SOX5: variants seen among roughly 807,000 people sequenced by gnomAD.
SOX5 encodes the protein SRY-box transcription factor 5.
SOX5 carries 9 observed loss-of-function variants against 92.0 expected under a neutral mutation model. The ratio of observed to expected loss-of-function variants is 0.10; its 90% CI spans 0.06 to 0.17. The LOEUF is 0.17. Among genes scored for constraint, SOX5 ranks in the 10% least tolerant of loss-of-function variants. The pLI, the probability that SOX5 is intolerant of heterozygous loss-of-function variation, is 1.00. For missense variants in SOX5, 642 were observed against 944.5 expected, an observed-to-expected ratio of 0.68 and a Z score of 4.20; for synonymous variants, 344 against 336.3, an observed-to-expected ratio of 1.02 and a Z score of -0.25.
At chr12:23,762,346 T>C in intron 3 of SOX5, 1 of 338,648 alleles carries the variant, frequency 3.0e-6, no homozygotes, top group Non-Finnish European at 5.3e-6. Context: ...TGTAGCGTAC[T>C]TTGTTTGCAC....
At chr12:23,791,959 T>C (rs1223846620) in intron 3 of SOX5, among the ~76,000 whole-genome samples, 2 of 151,914 alleles carry the variant, frequency 1.3e-5, no homozygotes, top group Admixed American at 6.6e-5. Context: ...TAGCAAAAAT[T>C]AGTAGGGGAT....
chr12:24,024,513 A>C (rs943323557), intron 4 of SOX5, among the ~76,000 whole-genome samples: 3 of 152,082 alleles, frequency 2.0e-5, no homozygotes, highest in African/African-American at 4.8e-5. Context: ...AGTATAGCTT[A>C]AAAATAACTA....
chr12:23,573,095 C>T (rs548231071), intron 10 of SOX5, among the ~76,000 whole-genome samples: 34 of 151,886 alleles, frequency 2.2e-4, no homozygotes, highest in Admixed American at 1.2e-3. Context: ...GGGTTAATCC[C>T]TTCCCATCAC....
intron 3 of SOX5, among the ~76,000 whole-genome samples, chr12:24,234,649 A>G (rs1964088268): frequency 6.6e-6 from 1 of 152,222 alleles, no homozygotes; most frequent in Admixed American, 6.5e-5. Flanking sequence ...AAGTGCTGGA[A>G]TTACCAAAGT....
intron 3 of SOX5, among the ~76,000 whole-genome samples, chr12:24,241,961 A>C (rs1303168809): frequency 1.3e-5 from 2 of 152,186 alleles, no homozygotes; most frequent in African/African-American, 4.8e-5. Context: ...TAAAAAAATA[A>C]AAATAAAAAT....
intron 6 of SOX5, among the ~76,000 whole-genome samples, chr12:23,695,989 C>CA (rs1194011891): frequency 4.1e-5 from 3 of 73,132 alleles, no homozygotes; most frequent in African/African-American, 5.1e-5. Flanking sequence ...AAAAACAAAA[C>CA]AAAAAAACAA....
In SOX5 at chr12:23,949,649, T is replaced by G. The variant is rs1414768481; in HGVS notation, c.-48A>C. The G allele has an allele frequency of 1.9e-6, 3 of 1,613,588 alleles. No individual in the cohort carries two copies. Among genetic ancestry groups the G allele is most frequent in the Non-Finnish European group, 2.5e-6 (3 of 1,179,790 alleles). On this transcript the variant is annotated 5_prime_UTR_variant, in exon 1 of 15. Coordinates refer to ENST00000451604, the MANE Select transcript of SOX5 (RefSeq NM_006940.6). ...TTGTCACAGCAGCCACCTATGATCG[T>G]CTCCAACTGAACCTGTCAAGTGAGT...
intron 3 of SOX5, among the ~76,000 whole-genome samples, chr12:23,779,788 A>AATATATATATATATATATATATATAT (rs1172787679): frequency 9.0e-6 from 1 of 110,524 alleles, no homozygotes; most frequent in Non-Finnish European, 1.8e-5. Context: ...CACAGATTAA[A>AATATATATATATATATATATATATAT]ATATATATAT....
chr12:24,098,004 G>A (rs572648638), intron 4 of SOX5, among the ~76,000 whole-genome samples: 1 of 152,052 alleles, frequency 6.6e-6, no homozygotes, highest in South Asian at 2.1e-4. Flanking sequence ...GATCTTCCAC[G>A]GTTTCCTACT....
intron 10 of SOX5, among the ~76,000 whole-genome samples, chr12:23,566,105 T>C (rs1947034637): frequency 6.6e-6 from 1 of 152,234 alleles, no homozygotes; most frequent in African/African-American, 2.4e-5. Context: ...TAGATTTCTA[T>C]ACGTCTTCAT....
intron 4 of SOX5, among the ~76,000 whole-genome samples, chr12:24,037,709 G>A (rs1040320741): frequency 1.3e-5 from 2 of 152,104 alleles, no homozygotes; most frequent in Non-Finnish European, 2.9e-5. Flanking sequence ...AGGAAAAGAT[G>A]TTACATGTCA....
intron 1 of SOX5, among the ~76,000 whole-genome samples, chr12:24,392,512 A>G (rs919191059): frequency 5.3e-5 from 8 of 152,088 alleles, no homozygotes; most frequent in Admixed American, 5.2e-4. Context: ...ACAGATCTTC[A>G]CATGACTTGT....
At chr12:24,364,211 T>G (rs1955901941) in intron 2 of SOX5, among the ~76,000 whole-genome samples, 1 of 152,096 alleles carries the variant, frequency 6.6e-6, no homozygotes, top group African/African-American at 2.4e-5. Context: ...AATCTATGCT[T>G]TGGGGTTCTC....
chr12:24,127,283 G>A (rs1593402995), intron 4 of SOX5, among the ~76,000 whole-genome samples: 1 of 151,548 alleles, frequency 6.6e-6, no homozygotes, highest in African/African-American at 2.4e-5. Flanking sequence ...CCCAGCTACT[G>A]AGGAGGCTCA....
intron 2 of SOX5, among the ~76,000 whole-genome samples, chr12:24,280,193 G>A (rs1049864547): frequency 6.6e-6 from 1 of 152,150 alleles, no homozygotes; most frequent in Non-Finnish European, 1.5e-5. Flanking sequence ...CCAGTAAAAG[G>A]TTACTCAGTC....
intron 3 of SOX5, among the ~76,000 whole-genome samples, chr12:24,266,393 T>G (rs1478854977): frequency 6.6e-6 from 1 of 152,154 alleles, no homozygotes; most frequent in Non-Finnish European, 1.5e-5. Context: ...ATTAACAGAC[T>G]TTTAATGTGC....
At chr12:24,525,106 T>G (rs1950587214) in intron 1 of SOX5, among the ~76,000 whole-genome samples, 1 of 152,214 alleles carries the variant, frequency 6.6e-6, no homozygotes, top group African/African-American at 2.4e-5. Flanking sequence ...ACATGTTCGC[T>G]GTGGTACTAT....
chr12:24,255,399 T>C lies in SOX5; in HGVS notation c.-77+21817A>G, dbSNP rs539888277. ...GAATGTAGGCTGAAATTCACTGTTATAGTTGCATGGTTTACACGTTTTTAG... is the reference window on the plus strand; with the variant it reads ...GAATGTAGGCTGAAATTCACTGTTACAGTTGCATGGTTTACACGTTTTTAG... On this transcript the variant is annotated intron_variant, in intron 3 of 4. Transcript: ENST00000446891. Among the ~76,000 whole-genome samples the C allele has an allele frequency of 7.5e-4, 115 of 152,322 alleles. 1 individual carries two copies. The highest frequency in any genetic ancestry group is 2.7e-3 in the African/African-American group (111 of 41,588).
At chr12:23,740,480 C>T (rs936163132) in intron 5 of SOX5, among the ~76,000 whole-genome samples, 1 of 152,150 alleles carries the variant, frequency 6.6e-6, no homozygotes, top group Admixed American at 6.6e-5. Context: ...TGGAAACTCA[C>T]TTTACTTGTT....
Sources: allele counts gnomAD v4.1 joint callset (sites outside exome capture counted in the v4.1 genomes callset), GRCh38; gene constraint gnomAD v4.1.1; transcripts MANE v1.5; gene names NCBI Gene and HGNC (gene_info 2026-07-23, HGNC 2026-07-21).